Variants in CNTNAP1 observed in about 807,000 individuals in gnomAD.
The protein encoded by CNTNAP1 is contactin-associated protein 1.
CNTNAP1 carries 80 observed loss-of-function variants against 161.5 expected under a neutral mutation model. The observed-to-expected ratio is 0.50, with a 90% CI of 0.41 to 0.60. The LOEUF (loss-of-function observed/expected upper bound fraction) is 0.60, where lower values mean the gene tolerates loss of function less well. Among genes scored for constraint, CNTNAP1 ranks in the 20% least tolerant of loss-of-function variants. The pLI, the probability that CNTNAP1 is intolerant of heterozygous loss-of-function variation, is 0.00. For missense variants in CNTNAP1, 1,464 were observed against 1,854.8 expected, an observed-to-expected ratio of 0.79 and a Z score of 3.87; for synonymous variants, 695 against 733.1, an observed-to-expected ratio of 0.95 and a Z score of 0.84.
At position 42,695,676 on chromosome 17, in the gene CNTNAP1, C is replaced by T. The variant is rs2053142568; in HGVS notation, c.3148C>T (p.Pro1050Ser). ...GGGCTATGATACTCCGGGCTATGTG[C>T]CTGGCTACCATGGCCCCGGGTACCG... The part of the protein sequence containing the change: ...IPGYDTPGYV[P>S]GYHGPGYRLP... The change falls in exon 19 of 24, where the codon CCT becomes TCT. Residue 1050 changes from proline (P) to serine (S), a missense_variant. Pro to Ser is a moderately conservative substitution (Grantham distance 74). Transcript: ENST00000264638. 3.1e-6 allele frequency: 5 copies of T among 1,614,048 alleles called. No individual in the cohort carries two copies. The Admixed American group carries it at 5.0e-5, about 16-fold the overall frequency.
intron 6 of CNTNAP1, 74 bp from the exon 7 acceptor site, chr17:42,686,829 A>C: frequency 6.7e-7 from 1 of 1,500,064 alleles, no homozygotes; most frequent in Non-Finnish European, 9.0e-7. Flanking sequence ...TTGGGAAAGC[A>C]TACGGCGGGG....
Position 42,690,874 on chromosome 17 carries a change from A to AT in CNTNAP1, c.1992dup (p.Ala665CysfsTer6), listed in dbSNP as rs2053077214. 6.2e-7 allele frequency: 1 copy of AT among 1,614,096 alleles called. No individual in the cohort carries two copies. Among genetic ancestry groups the AT allele is most frequent in the Non-Finnish European group, 8.5e-7 (1 of 1,180,046 alleles). On this transcript the variant is annotated frameshift_variant, in exon 13 of 24. Coordinates refer to ENST00000264638, the MANE Select transcript of CNTNAP1 (RefSeq NM_003632.3). LOFTEE classifies it high-confidence loss of function. ...TGGGAGGAAGTCAGTGCCCTTGCCA[A>AT]TGCTTCCCAGCATTGTGAACAGTGG... is the stretch of plus-strand genomic sequence containing the variant.
intron 17 of CNTNAP1, 86 bp from the exon 18 acceptor site, chr17:42,693,211 G>C: frequency 6.7e-7 from 1 of 1,501,484 alleles, no homozygotes; most frequent in Non-Finnish European, 9.2e-7. Flanking sequence ...CGCCCGCCTC[G>C]GCCTCCCAAA....
Position 42,692,727 on chromosome 17 carries a change from A to G in CNTNAP1, c.2752+7A>G. 6.3e-7 allele frequency: 1 copy of G among 1,598,396 alleles called. No individual in the cohort carries two copies. The highest frequency in any genetic ancestry group is 1.1e-5 in the South Asian group (1 of 90,022). The stretch of plus-strand genomic sequence containing the variant: ...GACCAGCCCCTCTATGTGGGTAAGC[A>G]GCAACCCAGAGGCAAGTCTGAAGCC... On this transcript the variant is annotated splice_region_variant and intron_variant, in intron 17 of 23. Transcript: ENST00000264638.
rs759059084 is a variant in CNTNAP1, at chr17:42,698,818, T to TCAGCCCCAGCCC, written c.4072_4083dup (p.Ala1358_Pro1361dup). 9 of 1,603,252 alleles carry TCAGCCCCAGCCC rather than the reference T, an allele frequency of 5.6e-6. No individual in the cohort carries two copies. The South Asian group carries it at 7.7e-5, about 14-fold the overall frequency. On this transcript the variant is annotated inframe_insertion, in exon 24 of 24. Transcript: ENST00000264638. ...AGCAGCTCCCAACCAAGCTCCAGCC[T>TCAGCCCCAGCCC]CAGCCCCAGCCCCAGCCCCAACTCC...
At position 42,687,128 on chromosome 17, in the gene CNTNAP1, ACAT is replaced by A; in HGVS notation, c.1044+85_1044+87del. On this transcript the variant is annotated intron_variant, in intron 7 of 23. Transcript: ENST00000264638. This position sits in a 1 kb window ranked among gnomAD's most constrained non-coding sequence, Gnocchi z 4.7. Reference sequence around the variant, plus strand: ...GAGGTGGAGCGGGAAGAGATATTGAACATCAGATAAAAGCGGAGAATCCCTCTG... The same window carrying A: ...GAGGTGGAGCGGGAAGAGATATTGAACAGATAAAAGCGGAGAATCCCTCTG... 6.5e-7 allele frequency: 1 copy of A among 1,537,580 alleles called. No individual in the cohort carries two copies.
At position 42,697,704 on chromosome 17, in the gene CNTNAP1, G is replaced by A. The variant is rs575163095; in HGVS notation, c.3719G>A (p.Arg1240Gln). 16 of 1,614,100 alleles carry A rather than the reference G, an allele frequency of 9.9e-6. No homozygotes were observed. Among genetic ancestry groups the A allele is most frequent in the African/African-American group, 9.3e-5 (7 of 74,998 alleles). Reference sequence around the variant, plus strand: ...ACTGCTGAGCTAGCTGAGGCCCTTCGAGTTCAGGGAGAACTGTCCGAATCT... The same window carrying A: ...ACTGCTGAGCTAGCTGAGGCCCTTCAAGTTCAGGGAGAACTGTCCGAATCT... ...PMTAELAEAL[R>Q]VQGELSESNC... Residue 1240 changes from arginine to glutamine, a missense_variant, in exon 22 of 24, where the codon CGA (arginine) becomes CAA (glutamine). Physicochemically the swap from Arg to Gln is conservative, Grantham distance 43 (BLOSUM62 1). Coordinates refer to ENST00000264638, the MANE Select transcript of CNTNAP1 (RefSeq NM_003632.3).
chr17:42,698,880 C>T lies in CNTNAP1; in HGVS notation c.4125C>T (p.Pro1375=), dbSNP rs369523856. 11 of 1,568,428 alleles carry T rather than the reference C, an allele frequency of 7.0e-6. No homozygotes were observed. The highest frequency in any genetic ancestry group is 9.5e-6 in the Non-Finnish European group (11 of 1,162,718). ...CTGGCCCCCGGGATCAGAACCTACC[C>T]CAGATCCTGGAGGAGTCCAGGTCTG... ...PAPGPRDQNL[P]QILEESRSE is the part of the protein sequence containing the mutation. The change falls in exon 24 of 24, where the codon CCC becomes CCT. Residue 1375 remains proline, a synonymous_variant. Coordinates refer to ENST00000264638, the MANE Select transcript of CNTNAP1 (RefSeq NM_003632.3).
At position 42,690,775 on chromosome 17, in the gene CNTNAP1, T is replaced by C; in HGVS notation, c.1892T>C (p.Leu631Pro). ...RAWTVVRHDR[L>P]WTTRVTGSSM... ...TGGACAGTTGTGCGGCATGACAGGC[T>C]GTGGACAACTCGAGTGACAGGTTCC... The change falls in exon 13 of 24, where the codon CTG becomes CCG. Residue 631 changes from leucine (L) to proline (P), a missense_variant. Leu to Pro is a moderately conservative substitution (Grantham distance 98). Transcript: ENST00000264638. The C allele has an allele frequency of 6.2e-7, 1 of 1,614,206 alleles. No individual in the cohort carries two copies. The highest frequency in any genetic ancestry group is 8.5e-7 in the Non-Finnish European group (1 of 1,180,030).
In CNTNAP1 at chr17:42,693,541, G is replaced by C; in HGVS notation, c.2992+5G>C. ...ATGGGCCATACTGCAACCACGGTAA[G>C]TGCTGCTGGTTATGGGGCAACAGGG... On this transcript the variant is annotated splice_donor_5th_base_variant and intron_variant, in intron 18 of 23. Coordinates refer to ENST00000264638, the MANE Select transcript of CNTNAP1 (RefSeq NM_003632.3). 2 of 1,611,042 alleles carry C rather than the reference G, an allele frequency of 1.2e-6. No homozygotes were observed. The highest frequency in any genetic ancestry group is 1.7e-6 in the Non-Finnish European group (2 of 1,177,318).
At chr17:42,694,394 A>G (rs2053128459) in intron 18 of CNTNAP1, among the ~76,000 whole-genome samples, 1 of 151,174 alleles carries the variant, frequency 6.6e-6, no homozygotes, top group Non-Finnish European at 1.5e-5. Context: ...CTGGTCACGA[A>G]CTTCTGACCG....
chr17:42,695,996 AC>A (rs1414190779), intron 19 of CNTNAP1, 28 bp from the exon 20 acceptor site: 1 of 1,611,408 alleles, frequency 6.2e-7, no homozygotes, highest in African/African-American at 1.3e-5. Context: ...GGGGCCTGAG[AC>A]CCCAAATTTC....
rs758762996 is a variant in CNTNAP1, at chr17:42,686,922, T to C, written c.920T>C (p.Val307Ala). ...LDTEMFIGGL[V>A]GAARKNLAYR... ...CCGCAGATGTTCATCGGAGGTCTGG[T>C]GGGCGCCGCGCGGAAGAACCTGGCC... Residue 307 changes from valine to alanine, a missense_variant, in exon 7 of 24, where the codon GTG (valine) becomes GCG (alanine). By Grantham distance (64) the Val-to-Ala change is moderately conservative. Around this residue, in one of 3 missense-constraint regions of CNTNAP1, gnomAD observed 1,383 missense variants for 1,765.0 expected, o/e 0.78. Coordinates refer to ENST00000264638, the MANE Select transcript of CNTNAP1 (RefSeq NM_003632.3). 68 of 1,609,948 alleles carry C rather than the reference T, an allele frequency of 4.2e-5. No homozygotes were observed. The highest frequency in any genetic ancestry group is 9.3e-6 in the Non-Finnish European group (11 of 1,177,062).
rs1258763618 is a variant in CNTNAP1 at position 42,684,049 on chromosome 17, G to A, written c.183G>A (p.Trp61Ter). Residue 61 changes from tryptophan to a stop codon, truncating the protein, a stop_gained, in exon 3 of 24, where the codon TGG becomes TGA. Coordinates refer to ENST00000264638, the MANE Select transcript of CNTNAP1 (RefSeq NM_003632.3). LOFTEE classifies it high-confidence loss of function. ...RFARLHGISG[W>*]SPRIGDPNPW... ...TCCTTTCTATAGGCATAAGCGGGTG[G>A]TCACCACGGATTGGGGATCCGAATC... 1 of 1,614,196 alleles carries A rather than the reference G, an allele frequency of 6.2e-7. No individual in the cohort carries two copies. The highest frequency in any genetic ancestry group is 1.1e-5 in the South Asian group (1 of 91,080).
chr17:42,695,503 C>A lies in CNTNAP1; in HGVS notation c.2993-18C>A. 1 of 1,589,520 alleles carries A rather than the reference C, an allele frequency of 6.3e-7. No homozygotes were observed. Among genetic ancestry groups the A allele is most frequent in the Non-Finnish European group, 8.6e-7 (1 of 1,163,048 alleles). On this transcript the variant is annotated intron_variant, in intron 18 of 23. Transcript: ENST00000264638. Reference sequence around the variant, plus strand: ...GTGAGCAGTGTGGGGGCCCTAACCTCCCTGCTTCTACCTGCAGATATTGGT... The same window carrying A: ...GTGAGCAGTGTGGGGGCCCTAACCTACCTGCTTCTACCTGCAGATATTGGT...
rs926257786 is a variant in CNTNAP1 at position 42,695,556 on chromosome 17, C to T, written c.3028C>T (p.Arg1010Cys). The part of the protein sequence containing the change: ...GGFFEPGTWM[R>C]YNLQSALRSA... ...TTTCTTTGAGCCGGGCACCTGGATG[C>T]GCTATAACCTACAGTCAGCGCTGCG... Residue 1010 changes from arginine to cysteine, a missense_variant, in exon 19 of 24, where the codon CGC becomes TGC. Arg to Cys is a radical substitution (Grantham distance 180, BLOSUM62 -3). This residue lies in a region of CNTNAP1 where 1,383 missense variants were observed against 1,765.0 expected (regional missense o/e 0.78). Transcript: ENST00000264638. The T allele has an allele frequency of 1.9e-6, 3 of 1,610,014 alleles. No homozygotes were observed. The highest frequency in any genetic ancestry group is 1.7e-4 in the Middle Eastern group (1 of 6,030).
At position 42,698,933 on chromosome 17, in the gene CNTNAP1, A is replaced by G. The variant is rs749859361; in HGVS notation, c.*23A>G. On this transcript the variant is annotated 3_prime_UTR_variant, in exon 24 of 24. Transcript: ENST00000264638. ...TGAGTCAGAAGGGCTTCTGGGACCAATTCCAGCTCCTGACATTCCCCCAGT... is the reference window on the plus strand; with the variant it reads ...TGAGTCAGAAGGGCTTCTGGGACCAGTTCCAGCTCCTGACATTCCCCCAGT... 4 of 1,479,760 alleles carry G rather than the reference A, an allele frequency of 2.7e-6. No homozygotes were observed. In the Admixed American group the frequency reaches 9.1e-5, roughly 34 times the overall value. The allele number at this position is 1,479,760 out of a possible 1,614,324, so 91.7% of individuals were successfully genotyped here.
intron 1 of CNTNAP1, chr17:42,683,435 G>GT: frequency 5.5e-6 from 6 of 1,097,594 alleles, no homozygotes; most frequent in Non-Finnish European, 6.7e-6. Flanking sequence ...GATGGTGCAG[G>GT]TTTTGGGGGC....
In CNTNAP1 at chr17:42,697,824, A is replaced by G. The variant is rs1553468; in HGVS notation, c.3814+25A>G. ...GGTACATTCCCAGGACACAGAGGACAGAAGGGAGGGATGACACGGAAGGGA... is the reference window on the plus strand; with the variant it reads ...GGTACATTCCCAGGACACAGAGGACGGAAGGGAGGGATGACACGGAAGGGA... On this transcript the variant is annotated intron_variant, in intron 22 of 23. Transcript: ENST00000264638. 873,952 of 1,613,790 alleles carry G rather than the reference A, an allele frequency of 0.54. 241,727 individuals are homozygous for G. The highest frequency in any genetic ancestry group is 0.83 in the African/African-American group (62,252 of 74,932).
Sources: allele counts gnomAD v4.1 joint callset (sites outside exome capture counted in the v4.1 genomes callset), GRCh38; gene constraint gnomAD v4.1.1; regional missense constraint gnomAD v4.1.1; non-coding constraint Gnocchi (gnomAD v3.1); transcripts MANE v1.5; gene names NCBI Gene and HGNC (gene_info 2026-07-23, HGNC 2026-07-21).